The following RBFOX1 variants were observed in gnomAD, a reference collection of about 807,000 sequenced individuals.
The protein encoded by RBFOX1 is RNA binding fox-1 homolog 1.
In RBFOX1, 8 loss-of-function variants were observed where a neutral mutation model predicts 57.7. That is an observed-to-expected ratio of 0.14 (90% CI 0.08 to 0.25). The LOEUF is 0.25. RBFOX1 is among the 10% of genes least tolerant of loss of function. The probability of loss-of-function intolerance (pLI) is 1.00; values close to 1 mark genes in which losing one functional copy is unlikely to be tolerated. For synonymous variants in RBFOX1, 326 were observed against 222.4 expected (o/e 1.47, Z -4.15); for missense variants, 611 against 548.5 (o/e 1.11, Z -1.14).
At chr16:5,800,823 A>G (rs974813286) in intron 3 of RBFOX1, among the ~76,000 whole-genome samples, 2 of 152,140 alleles carry the variant, frequency 1.3e-5, no homozygotes, top group African/African-American at 4.8e-5. Context: ...GGGGCAAATC[A>G]CAGACAAGCC....
chr16:6,920,629 C>A (rs911542778), intron 3 of RBFOX1, among the ~76,000 whole-genome samples: 8 of 152,154 alleles, frequency 5.3e-5, no homozygotes, highest in Non-Finnish European at 1.2e-4. Context: ...TTAGCTCCTT[C>A]TGGAAGCTTT....
chr16:5,706,426 C>G (rs527639755), intron 3 of RBFOX1, among the ~76,000 whole-genome samples: 1 of 152,142 alleles, frequency 6.6e-6, no homozygotes, highest in African/African-American at 2.4e-5. Context: ...GGAAACCTGC[C>G]CTCTTATTTC....
chr16:7,367,053 C>A (rs2097465049), intron 4 of RBFOX1, among the ~76,000 whole-genome samples: 1 of 151,914 alleles, frequency 6.6e-6, no homozygotes. Flanking sequence ...CCCCAAACCC[C>A]CCAGTTTTTT....
intron 4 of RBFOX1, among the ~76,000 whole-genome samples, chr16:7,464,100 C>G (rs1212247735): frequency 6.6e-6 from 1 of 152,156 alleles, no homozygotes; most frequent in Non-Finnish European, 1.5e-5. Flanking sequence ...GATCTGCTTA[C>G]TTGTACATTG....
intron 3 of RBFOX1, among the ~76,000 whole-genome samples, chr16:6,805,970 G>A (rs1189474100): frequency 6.6e-6 from 1 of 152,182 alleles, no homozygotes; most frequent in Non-Finnish European, 1.5e-5. Flanking sequence ...TGGAAAAGGA[G>A]GAGTTACCTT....
At chr16:7,254,366 T>G (rs1194060161) in intron 4 of RBFOX1, among the ~76,000 whole-genome samples, 2 of 152,128 alleles carry the variant, frequency 1.3e-5, no homozygotes, top group Non-Finnish European at 2.9e-5. Flanking sequence ...GTTAATCGGG[T>G]TTATTGGATT....
At position 6,575,983 on chromosome 16, in the gene RBFOX1, AT is replaced by A. The variant is rs1263208532; in HGVS notation, c.-63-78619del. ...TAGGCATGGTGCGTTACATCAAAAA[AT>A]AATTTTTTATTTTTGCAAAGCAAAA... is the stretch of plus-strand genomic sequence containing the variant. On this transcript the variant is annotated intron_variant, in intron 2 of 15. Transcript: ENST00000550418. 2.6e-5 allele frequency among the ~76,000 whole-genome samples: 4 copies of A among 152,298 alleles called. No individual in the cohort carries two copies. The East Asian group carries it at 7.7e-4, about 29-fold the overall frequency.
chr16:5,339,280 T>G (rs1038580727), intron 1 of RBFOX1, among the ~76,000 whole-genome samples: 5 of 152,058 alleles, frequency 3.3e-5, no homozygotes, highest in Non-Finnish European at 7.3e-5. Flanking sequence ...CTGCCCCCGC[T>G]GCCGCTTGGT....
chr16:6,543,319 G>C (rs1048363956), intron 2 of RBFOX1, among the ~76,000 whole-genome samples: 21 of 152,034 alleles, frequency 1.4e-4, no homozygotes, highest in Non-Finnish European at 2.9e-4. Context: ...ACTCTTTACT[G>C]CTTGTGACTT....
intron 2 of RBFOX1, among the ~76,000 whole-genome samples, chr16:6,637,843 A>G (rs1240681152): frequency 6.6e-6 from 1 of 152,108 alleles, no homozygotes; most frequent in South Asian, 2.1e-4. Context: ...GCACTGGATT[A>G]CAATTCTGAA....
chr16:5,640,405 C>T (rs1291795103), intron 3 of RBFOX1, among the ~76,000 whole-genome samples: 2 of 152,100 alleles, frequency 1.3e-5, no homozygotes, highest in African/African-American at 4.8e-5. Context: ...TGCACATATA[C>T]ACATGCACAC....
intron 2 of RBFOX1, among the ~76,000 whole-genome samples, chr16:6,425,210 A>G (rs2093890288): frequency 6.6e-6 from 1 of 152,216 alleles, no homozygotes; most frequent in Admixed American, 6.5e-5. Flanking sequence ...TTTTTTAGCC[A>G]GAATCTACTT....
At chr16:6,557,863 G>A (rs1389795808) in intron 2 of RBFOX1, among the ~76,000 whole-genome samples, 2 of 152,106 alleles carry the variant, frequency 1.3e-5, no homozygotes, top group Non-Finnish European at 2.9e-5. Flanking sequence ...TTTTAATATT[G>A]TGTATTCTCC....
intron 3 of RBFOX1, among the ~76,000 whole-genome samples, chr16:6,955,898 G>A (rs369230171): frequency 6.6e-6 from 1 of 152,004 alleles, no homozygotes; most frequent in African/African-American, 2.4e-5. Flanking sequence ...TAGAGATGGG[G>A]TTTCACCATG....
At chr16:5,386,736 G>C (rs2066269164) in intron 1 of RBFOX1, among the ~76,000 whole-genome samples, 1 of 152,134 alleles carries the variant, frequency 6.6e-6, no homozygotes, top group African/African-American at 2.4e-5. Context: ...TGCCTCTGTA[G>C]CTCACCAGCC....
chr16:7,103,992 C>A (rs555677086), intron 4 of RBFOX1, among the ~76,000 whole-genome samples: 59 of 152,244 alleles, frequency 3.9e-4, no homozygotes, highest in African/African-American at 1.1e-3. Context: ...CTATTATTAA[C>A]AACAAGAGTA....
At chr16:5,478,616 G>T (rs558358823) in intron 2 of RBFOX1, among the ~76,000 whole-genome samples, 1 of 152,310 alleles carries the variant, frequency 6.6e-6, no homozygotes, top group Non-Finnish European at 1.5e-5. Flanking sequence ...AGATTCCGAT[G>T]TGCAGAAGGG....
intron 2 of RBFOX1, among the ~76,000 whole-genome samples, chr16:6,399,305 C>G (rs551827064): frequency 6.6e-6 from 1 of 152,348 alleles, no homozygotes; most frequent in South Asian, 2.1e-4. Context: ...GCCCTGGAAA[C>G]ATTTTCCCCA....
chr16:6,108,937 A>T (rs1240912055), intron 1 of RBFOX1, among the ~76,000 whole-genome samples: 3 of 152,178 alleles, frequency 2.0e-5, no homozygotes, highest in Non-Finnish European at 4.4e-5. Flanking sequence ...CCATCTGAAG[A>T]TCATTAATTG....
Sources: allele counts gnomAD v4.1 joint callset (sites outside exome capture counted in the v4.1 genomes callset), GRCh38; gene constraint gnomAD v4.1.1; transcripts MANE v1.5; gene names NCBI Gene and HGNC (gene_info 2026-07-23, HGNC 2026-07-21).